The following CEP78 variants were observed in gnomAD, a reference collection of about 807,000 sequenced individuals.
CEP78 encodes centrosomal protein of 78 kDa.
In CEP78, 76 loss-of-function variants were observed where a neutral mutation model predicts 81.2. That is an observed-to-expected ratio of 0.94 (90% CI 0.78 to 1.13). The LOEUF is 1.13. CEP78 is among the 50% of genes most tolerant of loss of function. The pLI, the probability that CEP78 is intolerant of heterozygous loss-of-function variation, is 0.00. For synonymous variants in CEP78, 293 were observed against 301.4 expected, an observed-to-expected ratio of 0.97 and a Z score of 0.29; for missense variants, 918 against 846.8, an observed-to-expected ratio of 1.08 and a Z score of -1.04.
Position 78,273,941 on chromosome 9 carries a change from C to T in CEP78, c.*3090C>T, listed in dbSNP as rs1369569799. 1 of 152,228 alleles carries T rather than the reference C, an allele frequency of 6.6e-6. No individual in the cohort carries two copies. The highest frequency in any genetic ancestry group is 1.9e-4 in the East Asian group (1 of 5,194). 9.4% of individuals were successfully genotyped at this position (152,228 alleles called of 1,614,324 possible). A position where few individuals can be genotyped will look rare whatever the true frequency, so the allele number is the denominator to read the frequency against. On this transcript the variant is annotated 3_prime_UTR_variant, in exon 17 of 17. Transcript: ENST00000643273. The stretch of plus-strand genomic sequence containing the variant: ...GCAGAGCAACTGGAGTTCCTCACAG[C>T]TGGTAGGAATGCAAAATGACTCAGT...
rs777900738 is a variant in CEP78 at position 78,273,931 on chromosome 9, T to A, written c.*3080T>A. The A allele has an allele frequency of 2.0e-5, 3 of 152,024 alleles. No homozygotes were observed. The highest frequency in any genetic ancestry group is 1.3e-4 in the Admixed American group (2 of 15,258). 9.4% of individuals were successfully genotyped at this position (152,024 alleles called of 1,614,324 possible). A position where few individuals can be genotyped will look rare whatever the true frequency, so the allele number is the denominator to read the frequency against. ...TGATAAATATGCAGAGCAACTGGAG[T>A]TCCTCACAGCTGGTAGGAATGCAAA... is the stretch of plus-strand genomic sequence containing the variant. On this transcript the variant is annotated 3_prime_UTR_variant, in exon 17 of 17. Transcript: ENST00000643273.
chr9:78,265,720 T>G, intron 14 of CEP78, 139 bp from the exon 15 acceptor site: 1 of 754,636 alleles, frequency 1.3e-6, no homozygotes, highest in Non-Finnish European at 2.2e-6. Flanking sequence ...TATTGTATTG[T>G]TGTAAATAAA....
intron 16 of CEP78, 77 bp downstream of exon 16, chr9:78,266,780 C>T (rs376324807): frequency 3.2e-6 from 5 of 1,552,122 alleles, no homozygotes; most frequent in African/African-American, 2.8e-5. Context: ...GTCCTGAAAA[C>T]CAGAAAAGCA....
At chr9:78,250,249 T>G (rs1011203372) in intron 8 of CEP78, 11 of 398,210 alleles carry the variant, frequency 2.8e-5, no homozygotes, top group Non-Finnish European at 4.9e-5. Context: ...GCCTCAGTAA[T>G]TTGGAGACAC....
At position 78,247,932 on chromosome 9, in the gene CEP78, T is replaced by C. The variant is rs1180467796; in HGVS notation, c.893-359T>C. On this transcript the variant is annotated intron_variant, in intron 6 of 16. Transcript: ENST00000643273. Reference sequence around the variant, plus strand: ...GGAGAAGAGCAGCTTTGGGGGCGCATCATGACTTTGATTTGGGTATATTAG... The same window carrying C: ...GGAGAAGAGCAGCTTTGGGGGCGCACCATGACTTTGATTTGGGTATATTAG... Among the ~76,000 whole-genome samples, 3 of 152,208 alleles carry C rather than the reference T, an allele frequency of 2.0e-5. 1 individual carries two copies. Among genetic ancestry groups the C allele is most frequent in the South Asian group, 4.1e-4 (2 of 4,834 alleles).
chr9:78,270,383 T>C (rs1254089587), intron 16 of CEP78, among the ~76,000 whole-genome samples: 6 of 152,234 alleles, frequency 3.9e-5, no homozygotes, highest in African/African-American at 1.4e-4. Context: ...ATTGTTAAAC[T>C]TTCAATATAC....
chr9:78,246,498 G>A (rs1355906327), intron 5 of CEP78, among the ~76,000 whole-genome samples, 171 bp from the exon 6 acceptor site: 1 of 152,196 alleles, frequency 6.6e-6, no homozygotes, highest in Non-Finnish European at 1.5e-5. Context: ...TACTCAGGTG[G>A]CTGAGGCAGG....
chr9:78,266,812 C>A (rs1827563726), intron 16 of CEP78, 109 bp downstream of exon 16: 1 of 1,500,078 alleles, frequency 6.7e-7, no homozygotes. Context: ...GAAACTAGTT[C>A]TTTGGTTAAT....
intron 6 of CEP78, 58 bp downstream of exon 6, chr9:78,246,840 C>A (rs2118222755): frequency 6.3e-6 from 6 of 949,908 alleles, no homozygotes; most frequent in East Asian, 2.6e-5. Flanking sequence ...AAGAATTTCT[C>A]ATGTATTGAC....
chr9:78,259,933 C>T (rs1446208035), intron 11 of CEP78, among the ~76,000 whole-genome samples: 1 of 152,224 alleles, frequency 6.6e-6, no homozygotes, highest in African/African-American at 2.4e-5. Context: ...CACATTCTGT[C>T]TTTAACACAC....
chr9:78,266,930 A>G, intron 16 of CEP78: 1 of 1,426,632 alleles, frequency 7.0e-7, no homozygotes. Context: ...GTCCACTAGA[A>G]CATTCTGAAA....
At chr9:78,252,677 A>G (rs576894370) in intron 9 of CEP78, among the ~76,000 whole-genome samples, 1 of 152,376 alleles carries the variant, frequency 6.6e-6, no homozygotes, top group South Asian at 2.1e-4. Flanking sequence ...ATTGCTTAAG[A>G]AAACAAAGAG....
Position 78,278,116 on chromosome 9 carries a change from C to T in CEP78, c.*7265C>T, listed in dbSNP as rs1279842873. The T allele has an allele frequency of 1.3e-5, 2 of 152,090 alleles. No homozygotes were observed. Among genetic ancestry groups the T allele is most frequent in the Admixed American group, 1.3e-4 (2 of 15,272 alleles). The allele number at this position is 152,090 out of a possible 1,614,324, so 9.4% of individuals were successfully genotyped here. ...CTGAAGGAGGAAAAAAGGGGGGCTT[C>T]TCACATTTTACTCCATTTAATTCTA... is the stretch of plus-strand genomic sequence containing the variant. On this transcript the variant is annotated 3_prime_UTR_variant, in exon 17 of 17. Coordinates refer to ENST00000643273, the MANE Select transcript of CEP78 (RefSeq NM_001330691.3).
chr9:78,262,564 A>G (rs539704194), intron 11 of CEP78, among the ~76,000 whole-genome samples: 1 of 152,258 alleles, frequency 6.6e-6, no homozygotes, highest in African/African-American at 2.4e-5. Context: ...GTGTGTTAAT[A>G]GGGCTTCCTA....
rs1463570817 is a variant in CEP78, at chr9:78,251,925, C to G, written c.1087C>G (p.Pro363Ala). The G allele has an allele frequency of 1.9e-6, 3 of 1,607,440 alleles. No homozygotes were observed. In the African/African-American group the frequency reaches 4.0e-5, roughly 21 times the overall value. ...TIRIGLATKK[P>A]VSSGRKHSLG... is the part of the protein sequence containing the mutation. ...TCAAGTAGGATTGGCTACAAAGAAACCTGTAAGTAGTGGCAGAAAACACTC... is the reference window on the plus strand; with the variant it reads ...TCAAGTAGGATTGGCTACAAAGAAAGCTGTAAGTAGTGGCAGAAAACACTC... The change falls in exon 9 of 17, where the codon CCT (proline) becomes GCT (alanine). Residue 363 changes from proline (P) to alanine (A), a missense_variant. By Grantham distance (27) the Pro-to-Ala change is conservative. Transcript: ENST00000643273.
chr9:78,253,247 CA>C lies in CEP78; in HGVS notation c.1225del (p.Thr409HisfsTer15). 3 of 1,379,938 alleles carry C rather than the reference CA, an allele frequency of 2.2e-6. No homozygotes were observed. The highest frequency in any genetic ancestry group is 3.1e-6 in the Non-Finnish European group (3 of 980,774). 85.5% of individuals were successfully genotyped at this position (1,379,938 alleles called of 1,614,324 possible). A position where few individuals can be genotyped will look rare whatever the true frequency, so the allele number is the denominator to read the frequency against. Reference protein sequence around the residue: ...AKRHRGFPLIKTRDICNQLQQ... With the variant: ...AKRHRGFPLIXTRDICNQLQQ... ...ATCTTTTTAGGGGTTTCCCATTAATCAAAACACGTGATATATGTAATCAGTT... is the reference window on the plus strand; with the variant it reads ...ATCTTTTTAGGGGTTTCCCATTAATCAAACACGTGATATATGTAATCAGTT... On this transcript the variant is annotated frameshift_variant, in exon 10 of 17. Coordinates refer to ENST00000643273, the MANE Select transcript of CEP78 (RefSeq NM_001330691.3). LOFTEE classifies it high-confidence loss of function.
At position 78,254,909 on chromosome 9, in the gene CEP78, C is replaced by T; in HGVS notation, c.1325C>T (p.Ser442Leu). 1.2e-6 allele frequency: 2 copies of T among 1,611,332 alleles called. No homozygotes were observed. The highest frequency in any genetic ancestry group is 1.3e-5 in the African/African-American group (1 of 74,934). ...SSEVEEVDDS[S>L]ESVHEVPEKT... ...GAAGTTGAAGAGGTTGATGATTCTTCAGAGAGTGTTCATGAAGTGCCTGAG... is the reference window on the plus strand; with the variant it reads ...GAAGTTGAAGAGGTTGATGATTCTTTAGAGAGTGTTCATGAAGTGCCTGAG... Residue 442 changes from serine (S) to leucine (L), a missense_variant, in exon 11 of 17, where the codon TCA becomes TTA. Physicochemically the swap from Ser to Leu is moderately radical, Grantham distance 145 (BLOSUM62 -2). Coordinates refer to ENST00000643273, the MANE Select transcript of CEP78 (RefSeq NM_001330691.3).
intron 11 of CEP78, among the ~76,000 whole-genome samples, chr9:78,255,719 G>T (rs1479022118): frequency 6.6e-6 from 1 of 151,902 alleles, no homozygotes; most frequent in Non-Finnish European, 1.5e-5. Context: ...AATATTAGAG[G>T]GAAAAATCTA....
intron 4 of CEP78, among the ~76,000 whole-genome samples, chr9:78,243,230 A>T (rs1826313865): frequency 6.6e-6 from 1 of 152,168 alleles, no homozygotes. Context: ...AGCAATCAGT[A>T]ACAGGTCATT....
Sources: gnomAD v4.1 joint callset for allele counts (sites outside exome capture counted in the v4.1 genomes callset) on GRCh38, gnomAD v4.1.1 for gene constraint, MANE v1.5 for transcripts, NCBI Gene and HGNC (gene_info 2026-07-23, HGNC 2026-07-21) for gene names.